WDR7: variants seen among roughly 807,000 people sequenced by gnomAD.
The protein encoded by WDR7 is WD repeat-containing protein 7.
In WDR7, 46 loss-of-function variants were observed where a neutral mutation model predicts 169.4. The ratio of observed to expected loss-of-function variants is 0.27; its 90% CI spans 0.21 to 0.35. WDR7 has a LOEUF of 0.35. Ranked by LOEUF, WDR7 falls within the 10% of genes least tolerant of loss-of-function variation. The pLI is 1.00. For missense variants in WDR7, 1,534 were observed against 1,859.3 expected (o/e 0.83, Z 3.22); for synonymous variants, 612 against 666.8 (o/e 0.92, Z 1.27).
intron 20 of WDR7, among the ~76,000 whole-genome samples, chr18:56,850,312 C>T (rs2045623090): frequency 6.6e-6 from 1 of 152,116 alleles, no homozygotes; most frequent in Admixed American, 6.5e-5. Flanking sequence ...TAAAGCAGGA[C>T]CAGGTTTCAT....
intron 1 of WDR7, among the ~76,000 whole-genome samples, chr18:56,671,396 C>T (rs596085): frequency 0.097 from 14,623 of 151,156 alleles, 859 homozygotes; most frequent in Non-Finnish European, 0.13. Context: ...TCAAGCCTCT[C>T]AAGTAGCTGG....
At chr18:56,844,198 CGTGAAGT>C (rs970178806) in intron 20 of WDR7, among the ~76,000 whole-genome samples, 3 of 151,532 alleles carry the variant, frequency 2.0e-5, no homozygotes, top group African/African-American at 7.3e-5. Context: ...TCCTAATGAG[CGTGAAGT>C]GTGAAGTTAT....
chr18:56,769,593 C>T (rs1170794906), intron 16 of WDR7, among the ~76,000 whole-genome samples: 1 of 152,114 alleles, frequency 6.6e-6, no homozygotes, highest in East Asian at 1.9e-4. Context: ...TGATTGTGAC[C>T]ATATCTTTAT....
chr18:56,832,224 G>A (rs954624624), intron 20 of WDR7, among the ~76,000 whole-genome samples: 2 of 152,216 alleles, frequency 1.3e-5, no homozygotes, highest in African/African-American at 4.8e-5. Flanking sequence ...AAAGCTTCCG[G>A]AAGCTTGGAC....
intron 26 of WDR7, among the ~76,000 whole-genome samples, chr18:57,001,672 A>G (rs2047982000): frequency 6.6e-6 from 1 of 152,146 alleles, no homozygotes. Flanking sequence ...TCCATTACCC[A>G]AAAAGTGTCC....
intron 26 of WDR7, among the ~76,000 whole-genome samples, chr18:56,981,811 G>A (rs542659101): frequency 1.6e-4 from 25 of 152,272 alleles, no homozygotes; most frequent in African/African-American, 5.5e-4. Context: ...GGCCAGTTGA[G>A]ACCTGCTTAG....
rs10547813 is a variant in WDR7, at chr18:56,738,798, C to CTT, written c.1989+7225_1989+7226dup. Among the ~76,000 whole-genome samples, 419 of 58,794 alleles carry CTT rather than the reference C, an allele frequency of 7.1e-3. 4 individuals carry two copies. Among genetic ancestry groups the CTT allele is most frequent in the African/African-American group, 0.023 (380 of 16,878 alleles). The allele number at this position is 58,794 out of a possible 152,430, so 38.6% of individuals were successfully genotyped here. On this transcript the variant is annotated intron_variant, in intron 14 of 27. Transcript: ENST00000254442. The stretch of plus-strand genomic sequence containing the variant: ...CAGATCATTTAGATAGCATAAAATC[C>CTT]TTTTTTTTTTTTTTTTTTTTTTTTT...
intron 19 of WDR7, among the ~76,000 whole-genome samples, chr18:56,811,165 C>T (rs894339576): frequency 6.6e-6 from 1 of 152,100 alleles, no homozygotes; most frequent in Non-Finnish European, 1.5e-5. Flanking sequence ...ATGAATTTAT[C>T]ATTTATTCAT....
chr18:56,708,886 G>A (rs1222745305), intron 12 of WDR7, among the ~76,000 whole-genome samples: 1 of 151,924 alleles, frequency 6.6e-6, no homozygotes, highest in Non-Finnish European at 1.5e-5. Flanking sequence ...GCAGTGAGCC[G>A]AGATCGTGCC....
chr18:56,936,937 CAT>C (rs917895357), intron 23 of WDR7, among the ~76,000 whole-genome samples: 4 of 151,416 alleles, frequency 2.6e-5, no homozygotes, highest in East Asian at 1.9e-4. Flanking sequence ...ATAATGTGTG[CAT>C]ATATATATAT....
At chr18:56,891,739 T>A (rs1007827961) in intron 21 of WDR7, among the ~76,000 whole-genome samples, 1 of 152,134 alleles carries the variant, frequency 6.6e-6, no homozygotes, top group Non-Finnish European at 1.5e-5. Context: ...ATATACTGAT[T>A]TTCACTGTTT....
intron 19 of WDR7, among the ~76,000 whole-genome samples, chr18:56,795,957 A>G (rs762579486): frequency 6.6e-6 from 1 of 152,210 alleles, no homozygotes; most frequent in African/African-American, 2.4e-5. Flanking sequence ...ATAATGTTAA[A>G]TAGGAAATGT....
intron 20 of WDR7, among the ~76,000 whole-genome samples, chr18:56,863,517 A>G (rs1599110515): frequency 6.6e-6 from 1 of 151,804 alleles, no homozygotes; most frequent in African/African-American, 2.4e-5. Flanking sequence ...CAGTGGTACT[A>G]ATTTTATAAA....
chr18:56,754,547 C>T (rs562060539), intron 14 of WDR7, among the ~76,000 whole-genome samples: 19 of 151,752 alleles, frequency 1.3e-4, no homozygotes, highest in Non-Finnish European at 2.4e-4. Flanking sequence ...TATGTGTGCA[C>T]GCGTGTGCGT....
intron 21 of WDR7, among the ~76,000 whole-genome samples, chr18:56,886,503 T>C (rs1281068385): frequency 1.3e-5 from 2 of 152,106 alleles, no homozygotes; most frequent in Admixed American, 6.5e-5. Flanking sequence ...AACAAATCCT[T>C]GAAATACACC....
chr18:56,657,038 A>C (rs2024791203), intron 1 of WDR7, among the ~76,000 whole-genome samples: 1 of 152,218 alleles, frequency 6.6e-6, no homozygotes, highest in Non-Finnish European at 1.5e-5. Context: ...AGAAATCAAA[A>C]TTCATAGTGT....
chr18:56,958,239 C>A (rs573805882), intron 25 of WDR7, among the ~76,000 whole-genome samples: 1 of 152,244 alleles, frequency 6.6e-6, no homozygotes, highest in South Asian at 2.1e-4. Context: ...TTGTACACCC[C>A]ACTGTGGGTT....
intron 20 of WDR7, among the ~76,000 whole-genome samples, chr18:56,839,892 C>G (rs1466773391): frequency 6.6e-6 from 1 of 152,076 alleles, no homozygotes; most frequent in African/African-American, 2.4e-5. Context: ...GAAACCTCGT[C>G]TCTACTAAAA....
chr18:56,848,606 T>C (rs2145357654), intron 20 of WDR7, among the ~76,000 whole-genome samples: 1 of 152,304 alleles, frequency 6.6e-6, no homozygotes, highest in East Asian at 1.9e-4. Flanking sequence ...TGGGTCCTGG[T>C]GGGAGGTGCT....
Sources: allele counts gnomAD v4.1 joint callset (sites outside exome capture counted in the v4.1 genomes callset), GRCh38; gene constraint gnomAD v4.1.1; transcripts MANE v1.5; gene names NCBI Gene and HGNC (gene_info 2026-07-23, HGNC 2026-07-21).